Variants in CASZ1 observed in about 807,000 individuals in gnomAD.
CASZ1 encodes zinc finger protein castor homolog 1.
In CASZ1, 28 loss-of-function variants were observed where a neutral mutation model predicts 135.2. The observed-to-expected ratio is 0.21, with a 90% CI of 0.15 to 0.28. CASZ1 has a LOEUF of 0.28. Ranked by LOEUF, CASZ1 falls within the 10% of genes least tolerant of loss-of-function variation. The probability of loss-of-function intolerance (pLI) is 1.00; values close to 1 mark genes in which losing one functional copy is unlikely to be tolerated. For missense variants in CASZ1, 2,161 were observed against 2,453.3 expected (o/e 0.88, Z 2.52); for synonymous variants, 1,068 against 1,073.4 (o/e 0.99, Z 0.10).
At position 10,790,073 on chromosome 1, in the gene CASZ1, G is replaced by A. The variant is rs140410433; in HGVS notation, c.-234+6491C>T. On this transcript the variant is annotated intron_variant, in intron 1 of 20. Coordinates refer to ENST00000377022, the MANE Select transcript of CASZ1 (RefSeq NM_001079843.3). ...CAAAGGGAGCCACGCAGATGCCACCGCCCAGGCAGAAGACAGACCCACTCG... is the reference window on the plus strand; with the variant it reads ...CAAAGGGAGCCACGCAGATGCCACCACCCAGGCAGAAGACAGACCCACTCG... 1.7e-3 allele frequency among the ~76,000 whole-genome samples: 264 copies of A among 152,238 alleles called. 10 individuals carry two copies. In the East Asian group the frequency reaches 0.046, roughly 26 times the overall value.
chr1:10,743,604 C>T (rs1477414054), intron 2 of CASZ1, among the ~76,000 whole-genome samples: 2 of 113,308 alleles, frequency 1.8e-5, no homozygotes, highest in Admixed American at 1.2e-4. Flanking sequence ...CTTTTCCTGC[C>T]TTTTTTTTTT....
rs566241455 is a variant in CASZ1, at chr1:10,665,045, C to T, written c.505+38G>A. 13 of 1,493,976 alleles carry T rather than the reference C, an allele frequency of 8.7e-6. No individual in the cohort carries two copies. The South Asian group carries it at 1.7e-4, about 19-fold the overall frequency. 92.5% of individuals were successfully genotyped at this position (1,493,976 alleles called of 1,614,324 possible). On this transcript the variant is annotated intron_variant, in intron 5 of 20. Transcript: ENST00000377022. Reference sequence around the variant, plus strand: ...GCCCCTTCCCCACTGGCCTCCCTGTCCTGGCCTTCAGCCTCCCTTCGAAGG... The same window carrying T: ...GCCCCTTCCCCACTGGCCTCCCTGTTCTGGCCTTCAGCCTCCCTTCGAAGG...
intron 4 of CASZ1, among the ~76,000 whole-genome samples, chr1:10,686,552 G>A (rs1244488508): frequency 1.3e-5 from 2 of 152,200 alleles, no homozygotes; most frequent in Non-Finnish European, 2.9e-5. Flanking sequence ...AAGACAAGGC[G>A]GGTAGGGTGT....
In CASZ1 at chr1:10,711,546, T is replaced by C. The variant is rs1334934989; in HGVS notation, c.-76-6002A>G. On this transcript the variant is annotated intron_variant, in intron 2 of 20. Coordinates refer to ENST00000377022, the MANE Select transcript of CASZ1 (RefSeq NM_001079843.3). The surrounding 1 kb of genome is among the most constrained non-coding windows in gnomAD (Gnocchi z 4.4). ...AGCTAGGAGAGATGGTGCAATTCCA[T>C]TCCCAGGCATATACCAGAAAAAATG... 2.0e-5 allele frequency among the ~76,000 whole-genome samples: 3 copies of C among 150,326 alleles called. No homozygotes were observed.
chr1:10,655,174 G>T (rs911410642), intron 9 of CASZ1, among the ~76,000 whole-genome samples: 3 of 152,180 alleles, frequency 2.0e-5, no homozygotes, highest in Non-Finnish European at 4.4e-5. Context: ...CGTGGCCCAG[G>T]TTGTTCACAG....
Position 10,706,664 on chromosome 1 carries a change from A to G in CASZ1, c.-76-1120T>C, listed in dbSNP as rs995668206. On this transcript the variant is annotated intron_variant, in intron 2 of 20. Transcript: ENST00000377022. This position sits in a 1 kb window ranked among gnomAD's most constrained non-coding sequence, Gnocchi z 4.3. ...TTGTACTTGACACGTCCTCTTAAGG[A>G]GGGCTCGGCTCTCCACCAGCTTTCG... 6.6e-6 allele frequency among the ~76,000 whole-genome samples: 1 copy of G among 152,136 alleles called. No individual in the cohort carries two copies. Among genetic ancestry groups the G allele is most frequent in the African/African-American group, 2.4e-5 (1 of 41,416 alleles).
intron 4 of CASZ1, among the ~76,000 whole-genome samples, chr1:10,672,161 C>T (rs1026956855): frequency 1.1e-4 from 16 of 152,036 alleles, no homozygotes; most frequent in African/African-American, 3.9e-4. Context: ...ATTTCTCTTT[C>T]CTCTCTGAAA....
intron 20 of CASZ1, 78 bp from the exon 21 acceptor site, chr1:10,640,137 C>T (rs1642153031): frequency 1.3e-6 from 2 of 1,521,298 alleles, no homozygotes; most frequent in Non-Finnish European, 1.8e-6. Flanking sequence ...CACATGGGAC[C>T]CCTGATCTGG....
At chr1:10,793,205 C>T (rs1427989928) in intron 1 of CASZ1, among the ~76,000 whole-genome samples, 3 of 141,828 alleles carry the variant, frequency 2.1e-5, no homozygotes, top group Admixed American at 1.5e-4. Context: ...AAAGATTGGA[C>T]TCTTTGATCT....
chr1:10,767,851 G>A lies in CASZ1; in HGVS notation c.-233-6994C>T, dbSNP rs1222861306. 4.6e-5 allele frequency among the ~76,000 whole-genome samples: 7 copies of A among 151,990 alleles called. No homozygotes were observed. The highest frequency in any genetic ancestry group is 1.9e-4 in the East Asian group (1 of 5,182). On this transcript the variant is annotated intron_variant, in intron 1 of 20. Transcript: ENST00000377022. The surrounding 1 kb of genome is among the most constrained non-coding windows in gnomAD (Gnocchi z 4.2). ...CTCGCTGGCCCTGTCCACAGCCCTC[G>A]GCCCATGAGGAGGGCCACGACCCTG...
intron 4 of CASZ1, among the ~76,000 whole-genome samples, chr1:10,689,758 G>A (rs1240444777): frequency 2.0e-5 from 3 of 152,262 alleles, no homozygotes; most frequent in Non-Finnish European, 2.9e-5. Context: ...TCCTCACCTC[G>A]TCCACTCACC....
chr1:10,795,352 C>T (rs1641044737), intron 1 of CASZ1, among the ~76,000 whole-genome samples: 1 of 152,238 alleles, frequency 6.6e-6, no homozygotes, highest in Non-Finnish European at 1.5e-5. Context: ...ACTTTTTTCT[C>T]TGTCCTTCAC....
Position 10,660,373 on chromosome 1 carries a change from C to T in CASZ1, c.669G>A (p.Leu223=), listed in dbSNP as rs775500866. 1.9e-6 allele frequency: 3 copies of T among 1,614,146 alleles called. No homozygotes were observed. The South Asian group carries it at 3.3e-5, about 18-fold the overall frequency. The change falls in exon 6 of 21, where the codon CTG becomes CTA. Residue 223 remains leucine (L), a synonymous_variant. Transcript: ENST00000377022. ...TGCTGAGGGTATCCTCGGAGGTGGG[C>T]AGCATGGAGGAGGTGGCTGCCTCCG... is the stretch of plus-strand genomic sequence containing the variant. ...STPEAATSSM[L]PTSEDTLSKR...
chr1:10,655,992 G>A (rs533045420), intron 8 of CASZ1, among the ~76,000 whole-genome samples, 179 bp from the exon 9 acceptor site: 2 of 152,320 alleles, frequency 1.3e-5, no homozygotes, highest in East Asian at 3.9e-4. Flanking sequence ...CCCTTGGAGG[G>A]AACCATCCCA....
intron 1 of CASZ1, among the ~76,000 whole-genome samples, chr1:10,785,666 C>T (rs573381156): frequency 6.6e-6 from 1 of 152,362 alleles, no homozygotes; most frequent in Admixed American, 6.5e-5. Context: ...GGTGGGAAAC[C>T]TCAGCTCCAT....
chr1:10,659,681 G>T, intron 6 of CASZ1, 21 bp downstream of exon 6: 2 of 1,589,782 alleles, frequency 1.3e-6, no homozygotes, highest in Non-Finnish European at 1.7e-6. Flanking sequence ...TCTGGGCATT[G>T]TGGGGTGGGG....
At position 10,776,616 on chromosome 1, in the gene CASZ1, C is replaced by T. The variant is rs1387348368; in HGVS notation, c.-233-15759G>A. 6.6e-6 allele frequency among the ~76,000 whole-genome samples: 1 copy of T among 152,196 alleles called. No individual in the cohort carries two copies. The highest frequency in any genetic ancestry group is 1.5e-5 in the Non-Finnish European group (1 of 68,044). On this transcript the variant is annotated intron_variant, in intron 1 of 20. Coordinates refer to ENST00000377022, the MANE Select transcript of CASZ1 (RefSeq NM_001079843.3). The surrounding 1 kb of genome is among the most constrained non-coding windows in gnomAD (Gnocchi z 4.1). ...GCCCACCGAGCCTGCAAAGGCTCTC[C>T]CTGGTACCAGCTAGGGGCGGGAGCT... is the stretch of plus-strand genomic sequence containing the variant.
intron 1 of CASZ1, among the ~76,000 whole-genome samples, chr1:10,779,846 G>A (rs1640731399): frequency 6.6e-6 from 1 of 152,246 alleles, no homozygotes; most frequent in Non-Finnish European, 1.5e-5. Context: ...TATGAAGTGA[G>A]AAGGGGAGAA....
chr1:10,699,270 A>T lies in CASZ1; in HGVS notation c.-23-5358T>A, dbSNP rs1044120484. Among the ~76,000 whole-genome samples the T allele has an allele frequency of 6.6e-6, 1 of 152,134 alleles. No individual in the cohort carries two copies. The highest frequency in any genetic ancestry group is 2.4e-5 in the African/African-American group (1 of 41,420). ...CAACGGCCCTGAACTGGCCAGGAGG[A>T]ACGCCCTTGTGCCCTGGGAGAGGAT... On this transcript the variant is annotated intron_variant, in intron 3 of 20. Transcript: ENST00000377022. The surrounding 1 kb of genome is among the most constrained non-coding windows in gnomAD (Gnocchi z 4.6).
Sources: gnomAD v4.1 joint callset for allele counts (sites outside exome capture counted in the v4.1 genomes callset) on GRCh38, gnomAD v4.1.1 for gene constraint, Gnocchi (gnomAD v3.1) non-coding constraint, MANE v1.5 for transcripts, NCBI Gene and HGNC (gene_info 2026-07-23, HGNC 2026-07-21) for gene names.